Variants in DOK6 observed in about 807,000 individuals in gnomAD.
The protein encoded by DOK6 is docking protein 6.
A neutral mutation model predicts 44.0 loss-of-function variants in DOK6; 22 were observed. That is an observed-to-expected ratio of 0.50 (90% CI 0.36 to 0.71). The LOEUF (loss-of-function observed/expected upper bound fraction) is 0.71, where lower values mean the gene tolerates loss of function less well. Among genes scored for constraint, DOK6 ranks in the 30% least tolerant of loss-of-function variants. The pLI is 0.00. For missense variants in DOK6, 340 were observed against 416.4 expected (o/e 0.82, Z 1.60); for synonymous variants, 166 against 145.5 (o/e 1.14, Z -1.01).
At chr18:69,460,258 C>T (rs1224254873) in intron 1 of DOK6, among the ~76,000 whole-genome samples, 1 of 152,196 alleles carries the variant, frequency 6.6e-6, no homozygotes, top group African/African-American at 2.4e-5. Flanking sequence ...ACCACTCAAA[C>T]ATCATCAATC....
intron 7 of DOK6, among the ~76,000 whole-genome samples, chr18:69,797,632 T>C (rs1244634724): frequency 6.6e-6 from 1 of 152,164 alleles, no homozygotes; most frequent in Non-Finnish European, 1.5e-5. Context: ...ATGTAATTTT[T>C]CCTCTTTTGA....
At chr18:69,523,185 A>G (rs964691904) in intron 1 of DOK6, among the ~76,000 whole-genome samples, 19 of 152,096 alleles carry the variant, frequency 1.2e-4, no homozygotes, top group African/African-American at 4.6e-4. Flanking sequence ...GGAAAGCCAT[A>G]TTTCTGAATA....
intron 5 of DOK6, among the ~76,000 whole-genome samples, chr18:69,716,356 A>T (rs1986880941): frequency 1.3e-5 from 2 of 152,246 alleles, no homozygotes; most frequent in African/African-American, 4.8e-5. Flanking sequence ...GCGAACTATG[A>T]GGCAATTTAA....
At chr18:69,517,378 T>G (rs952913345) in intron 1 of DOK6, among the ~76,000 whole-genome samples, 1 of 152,224 alleles carries the variant, frequency 6.6e-6, no homozygotes, top group Admixed American at 6.5e-5. Context: ...TTCATATTAT[T>G]AGCTCTTCAA....
intron 1 of DOK6, among the ~76,000 whole-genome samples, chr18:69,524,356 A>G (rs1256668311): frequency 6.6e-6 from 1 of 152,014 alleles, no homozygotes; most frequent in Non-Finnish European, 1.5e-5. Context: ...GTCTTATTAA[A>G]CATTCTTCAA....
intron 3 of DOK6, chr18:69,647,579 T>C (rs1251373133): frequency 6.6e-6 from 1 of 152,190 alleles, no homozygotes; most frequent in African/African-American, 2.4e-5. Context: ...GGATCAGGCC[T>C]TGGGTTGTAA....
intron 1 of DOK6, among the ~76,000 whole-genome samples, chr18:69,467,770 A>G (rs1228661814): frequency 6.6e-6 from 1 of 152,170 alleles, no homozygotes; most frequent in Non-Finnish European, 1.5e-5. Flanking sequence ...GTTTGTGTAA[A>G]TACGCAGTTT....
At chr18:69,745,766 T>TG (rs1469578320) in intron 6 of DOK6, among the ~76,000 whole-genome samples, 1 of 152,226 alleles carries the variant, frequency 6.6e-6, no homozygotes, top group Non-Finnish European at 1.5e-5. Context: ...TACTTCACAG[T>TG]GTTAGAACAC....
Position 69,824,120 on chromosome 18 carries a change from G to A in DOK6, c.857-17124G>A, listed in dbSNP as rs1981661546. 4.0e-5 allele frequency among the ~76,000 whole-genome samples: 6 copies of A among 151,338 alleles called. No individual in the cohort carries two copies. The South Asian group carries it at 1.3e-3, about 32-fold the overall frequency. On this transcript the variant is annotated intron_variant, in intron 7 of 7. Coordinates refer to ENST00000382713, the MANE Select transcript of DOK6 (RefSeq NM_152721.6). Reference sequence around the variant, plus strand: ...GCAGGTTAGTTACATATGTATACATGTGCCATGTTGGTGTGCTGCACCCAT... The same window carrying A: ...GCAGGTTAGTTACATATGTATACATATGCCATGTTGGTGTGCTGCACCCAT...
chr18:69,704,475 C>CT (rs10685670), intron 5 of DOK6, among the ~76,000 whole-genome samples: 5,853 of 107,120 alleles, frequency 0.055, 328 homozygotes, highest in African/African-American at 0.077. Flanking sequence ...CCAGATATGA[C>CT]TTTTTTTTTT....
intron 3 of DOK6, among the ~76,000 whole-genome samples, chr18:69,600,449 C>T (rs892763279): frequency 2.0e-5 from 3 of 152,256 alleles, no homozygotes; most frequent in Admixed American, 1.3e-4. Flanking sequence ...TTTCTCTTCA[C>T]TTGCCATCTG....
intron 1 of DOK6, among the ~76,000 whole-genome samples, chr18:69,560,761 T>G (rs950578743): frequency 6.6e-6 from 1 of 152,124 alleles, no homozygotes; most frequent in Non-Finnish European, 1.5e-5. Context: ...CATACTTAAT[T>G]TTTTAACACT....
intron 1 of DOK6, among the ~76,000 whole-genome samples, chr18:69,549,750 A>C (rs1328558671): frequency 6.6e-6 from 1 of 151,438 alleles, no homozygotes; most frequent in Non-Finnish European, 1.5e-5. Flanking sequence ...CACTCATTTT[A>C]CCCTCAGGGA....
intron 7 of DOK6, among the ~76,000 whole-genome samples, chr18:69,825,999 A>G (rs1186702322): frequency 6.6e-6 from 1 of 151,984 alleles, no homozygotes; most frequent in Non-Finnish European, 1.5e-5. Flanking sequence ...CAGTGTTAAC[A>G]TTTTGGAGGT....
At chr18:69,644,465 C>T (rs1047527426) in intron 3 of DOK6, among the ~76,000 whole-genome samples, 2 of 152,112 alleles carry the variant, frequency 1.3e-5, no homozygotes, top group South Asian at 4.2e-4. Flanking sequence ...TCAAGATTAT[C>T]CTGCCTATGG....
chr18:69,670,026 C>T (rs1313614248), intron 3 of DOK6, among the ~76,000 whole-genome samples: 1 of 152,202 alleles, frequency 6.6e-6, no homozygotes, highest in Non-Finnish European at 1.5e-5. Flanking sequence ...AAGTCCAACA[C>T]TGGTCCTCCT....
chr18:69,466,597 A>C (rs1401199523), intron 1 of DOK6, among the ~76,000 whole-genome samples: 2 of 152,142 alleles, frequency 1.3e-5, no homozygotes, highest in Non-Finnish European at 2.9e-5. Context: ...CAAACTGTTA[A>C]ATTTAAACTT....
intron 3 of DOK6, among the ~76,000 whole-genome samples, chr18:69,650,095 C>T (rs1005017838): frequency 1.6e-4 from 25 of 152,058 alleles, no homozygotes; most frequent in South Asian, 2.1e-4. Flanking sequence ...GTGAGATTAA[C>T]ACTTTGTGCC....
intron 3 of DOK6, among the ~76,000 whole-genome samples, chr18:69,632,969 G>A (rs528123896): frequency 4.6e-5 from 7 of 152,184 alleles, no homozygotes; most frequent in Non-Finnish European, 1.0e-4. Context: ...TCCTCAGTTT[G>A]TATGGGGAAC....
Sources: allele counts gnomAD v4.1 joint callset (sites outside exome capture counted in the v4.1 genomes callset), GRCh38; gene constraint gnomAD v4.1.1; transcripts MANE v1.5; gene names NCBI Gene and HGNC (gene_info 2026-07-23, HGNC 2026-07-21).